ANP32B: variants seen among roughly 807,000 people sequenced by gnomAD.
ANP32B encodes the protein acidic nuclear phosphoprotein 32 family member B.
ANP32B carries 6 observed loss-of-function variants against 32.2 expected under a neutral mutation model. The ratio of observed to expected loss-of-function variants is 0.19; its 90% CI spans 0.10 to 0.37. The LOEUF (loss-of-function observed/expected upper bound fraction) is 0.37. Among genes scored for constraint, ANP32B ranks in the 10% least tolerant of loss-of-function variants. The pLI is 1.00. For missense variants in ANP32B, 204 were observed against 289.2 expected (o/e 0.71, Z 2.14); for synonymous variants, 98 against 105.8 (o/e 0.93, Z 0.45).
chr9:98,008,183 A>G (rs1230722582), intron 4 of ANP32B, among the ~76,000 whole-genome samples: 1 of 152,104 alleles, frequency 6.6e-6, no homozygotes, highest in Non-Finnish European at 1.5e-5. Context: ...GTGTCCATGT[A>G]TACTCATCAT....
At chr9:97,992,735 G>A (rs1827848725) in intron 1 of ANP32B, among the ~76,000 whole-genome samples, 1 of 152,160 alleles carries the variant, frequency 6.6e-6, no homozygotes, top group African/African-American at 2.4e-5. Flanking sequence ...ATGTTTAGTT[G>A]CTTTTTAATA....
In ANP32B at chr9:98,015,582, A is replaced by G. The variant is rs1231226868; in HGVS notation, c.*151A>G. ...AGAGCCAAAGAATAGTTCCTGTGAC[A>G]TTCCGCCTTCCTTCCATGTAGTCCC... is the stretch of plus-strand genomic sequence containing the variant. On this transcript the variant is annotated 3_prime_UTR_variant, in exon 7 of 7. Coordinates refer to ENST00000339399, the MANE Select transcript of ANP32B (RefSeq NM_006401.3). 1.5e-6 allele frequency: 2 copies of G among 1,367,156 alleles called. No individual in the cohort carries two copies. Among genetic ancestry groups the G allele is most frequent in the African/African-American group, 2.9e-5 (2 of 67,826 alleles). 84.7% of individuals were successfully genotyped at this position (1,367,156 alleles called of 1,614,324 possible).
At chr9:98,010,691 G>A (rs540182697) in intron 4 of ANP32B, among the ~76,000 whole-genome samples, 20 of 152,164 alleles carry the variant, frequency 1.3e-4, no homozygotes, top group African/African-American at 4.3e-4. Context: ...AAGAACTGCC[G>A]CACTAGAGGT....
At chr9:97,996,347 C>G (rs1411975047) in intron 2 of ANP32B, among the ~76,000 whole-genome samples, 1 of 152,146 alleles carries the variant, frequency 6.6e-6, no homozygotes, top group African/African-American at 2.4e-5. Context: ...TTTATAGGGA[C>G]TTTAATAAAC....
chr9:98,007,535 C>T (rs1413611545), intron 4 of ANP32B, among the ~76,000 whole-genome samples: 2 of 152,214 alleles, frequency 1.3e-5, no homozygotes, highest in East Asian at 1.9e-4. Context: ...ATGTGTACTT[C>T]GTTGCCAACC....
intron 4 of ANP32B, among the ~76,000 whole-genome samples, chr9:98,005,840 T>A: frequency 6.6e-6 from 1 of 152,052 alleles, no homozygotes; most frequent in African/African-American, 2.4e-5. Context: ...ACTTCAGGGG[T>A]CTTCAACCCA....
intron 4 of ANP32B, among the ~76,000 whole-genome samples, chr9:98,009,451 T>TG (rs1587880495): frequency 6.6e-6 from 1 of 152,194 alleles, no homozygotes; most frequent in East Asian, 1.9e-4. Context: ...TTTCCACAGA[T>TG]GCAGGGAAGG....
At chr9:98,006,787 A>C (rs898823168) in intron 4 of ANP32B, among the ~76,000 whole-genome samples, 1 of 152,168 alleles carries the variant, frequency 6.6e-6, no homozygotes, top group Non-Finnish European at 1.5e-5. Context: ...TCAGGAGTTC[A>C]AGACCAGCCT....
Position 97,988,051 on chromosome 9 carries a change from A to T in ANP32B, c.54+4442A>T, listed in dbSNP as rs74675803. 7.7e-3 allele frequency among the ~76,000 whole-genome samples: 1,174 copies of T among 152,294 alleles called. 11 individuals carry two copies. Among genetic ancestry groups the T allele is most frequent in the African/African-American group, 0.025 (1,029 of 41,550 alleles). On this transcript the variant is annotated intron_variant, in intron 1 of 6. Coordinates refer to ENST00000339399, the MANE Select transcript of ANP32B (RefSeq NM_006401.3). ...GCCTAACGTACCATCTAGACACTTT[A>T]GTGTATTATAGTCTACCAGAATGTT...
At chr9:97,994,916 A>G in intron 2 of ANP32B, 136 bp downstream of exon 2, 1 of 845,840 alleles carries the variant, frequency 1.2e-6, no homozygotes, top group Non-Finnish European at 1.7e-6. Flanking sequence ...ATTGAATTCT[A>G]GCCCTAGCAT....
At chr9:98,005,861 A>T (rs1828073603) in intron 4 of ANP32B, among the ~76,000 whole-genome samples, 2 of 152,178 alleles carry the variant, frequency 1.3e-5, no homozygotes, top group Non-Finnish European at 2.9e-5. Context: ...CAGGCCACAG[A>T]CTGGTACTAC....
chr9:97,983,682 G>A, intron 1 of ANP32B, 73 bp downstream of exon 1: 2 of 1,254,820 alleles, frequency 1.6e-6, no homozygotes, highest in African/African-American at 1.6e-5. Flanking sequence ...GCGGGGCCCG[G>A]GCTGAGGGTT....
At chr9:97,987,306 A>T (rs998537967) in intron 1 of ANP32B, among the ~76,000 whole-genome samples, 65 of 152,342 alleles carry the variant, frequency 4.3e-4, no homozygotes, top group African/African-American at 1.5e-3. Context: ...ATTTAAAAAC[A>T]TTTTATAGAC....
chr9:98,001,952 G>A (rs1827999890), intron 3 of ANP32B, among the ~76,000 whole-genome samples: 2 of 152,140 alleles, frequency 1.3e-5, no homozygotes, highest in South Asian at 2.1e-4. Flanking sequence ...CTTGTCCAGA[G>A]TCACACACCC....
chr9:98,004,274 C>T (rs1828041277), intron 3 of ANP32B, among the ~76,000 whole-genome samples: 1 of 152,198 alleles, frequency 6.6e-6, no homozygotes, highest in Non-Finnish European at 1.5e-5. Flanking sequence ...TAAATAAAAT[C>T]AGAAGAACTT....
At position 97,998,501 on chromosome 9, in the gene ANP32B, A is replaced by G. The variant is rs543126854; in HGVS notation, c.205-55A>G. 17 of 1,537,612 alleles carry G rather than the reference A, an allele frequency of 1.1e-5. No homozygotes were observed. In the South Asian group the frequency reaches 1.9e-4, roughly 17 times the overall value. On this transcript the variant is annotated intron_variant, in intron 2 of 6. Transcript: ENST00000339399. ...TTTGTTACTTACAATACCTTAAATG[A>G]TTTCTGTTTCTCTGTGTGTATTTGT...
intron 3 of ANP32B, 109 bp from the exon 4 acceptor site, chr9:98,004,855 G>T: frequency 1.3e-6 from 1 of 779,600 alleles, no homozygotes; most frequent in Admixed American, 2.9e-5. Flanking sequence ...GAGGCTGAGT[G>T]GGTAGTGGAA....
At position 98,005,137 on chromosome 9, in the gene ANP32B, AGAG is replaced by A. The variant is rs773305793; in HGVS notation, c.510_512del (p.Glu170del). 1.4e-5 allele frequency: 23 copies of A among 1,613,416 alleles called. No individual in the cohort carries two copies. Among genetic ancestry groups the A allele is most frequent in the Admixed American group, 6.7e-5 (4 of 59,866 alleles). On this transcript the variant is annotated inframe_deletion, in exon 4 of 7. Coordinates refer to ENST00000339399, the MANE Select transcript of ANP32B (RefSeq NM_006401.3). ...ATGCCGAGGTGGATGGTGTGGATGA[AGAG>A]GAGGAGGACGAAGGTGAGTAGGCTC...
intron 1 of ANP32B, among the ~76,000 whole-genome samples, chr9:97,991,463 C>T (rs1827824443): frequency 6.6e-6 from 1 of 152,102 alleles, no homozygotes; most frequent in South Asian, 2.1e-4. Context: ...TAGAGCTTGT[C>T]TGTCCTTCGT....
Sources: gnomAD v4.1 joint callset for allele counts (sites outside exome capture counted in the v4.1 genomes callset) on GRCh38, gnomAD v4.1.1 for gene constraint, MANE v1.5 for transcripts, NCBI Gene and HGNC (gene_info 2026-07-23, HGNC 2026-07-21) for gene names.